The following P2RX3 variants were observed in gnomAD, a reference collection of about 807,000 sequenced individuals.
P2RX3 encodes the protein purinergic receptor P2X 3, also known as P2X purinoceptor 3.
In P2RX3, 41 loss-of-function variants were observed where a neutral mutation model predicts 51.5. The ratio of observed to expected loss-of-function variants is 0.80; its 90% CI spans 0.62 to 1.03. The LOEUF is 1.03. P2RX3 is among the 50% of genes least tolerant of loss of function. The pLI is 0.00. For synonymous variants in P2RX3, 185 were observed against 191.6 expected (o/e 0.97, Z 0.29); for missense variants, 459 against 522.1 (o/e 0.88, Z 1.18).
chr11:57,355,055 C>T (rs1856606700), intron 8 of P2RX3, among the ~76,000 whole-genome samples: 1 of 152,188 alleles, frequency 6.6e-6, no homozygotes, highest in South Asian at 2.1e-4. Context: ...TCAGGAGAGC[C>T]CCACCAGAAG....
intron 8 of P2RX3, among the ~76,000 whole-genome samples, chr11:57,351,143 T>G (rs1856541413): frequency 6.6e-6 from 1 of 152,172 alleles, no homozygotes; most frequent in African/African-American, 2.4e-5. Context: ...GGTCAGTAGT[T>G]AGAAGAGAGG....
chr11:57,342,931 C>A (rs1195586511), intron 1 of P2RX3, among the ~76,000 whole-genome samples: 2 of 152,198 alleles, frequency 1.3e-5, no homozygotes, highest in Non-Finnish European at 2.9e-5. Flanking sequence ...CTCTCTCCTG[C>A]ACATCCCACC....
intron 1 of P2RX3, among the ~76,000 whole-genome samples, chr11:57,343,044 C>T (rs753145541): frequency 2.0e-5 from 3 of 152,224 alleles, no homozygotes; most frequent in Non-Finnish European, 4.4e-5. Flanking sequence ...ATCGAAGGCT[C>T]AGGCCTGCCC....
intron 1 of P2RX3, among the ~76,000 whole-genome samples, chr11:57,341,359 C>T (rs530394317): frequency 7.9e-5 from 12 of 152,338 alleles, no homozygotes; most frequent in African/African-American, 2.9e-4. Flanking sequence ...ACAACCTAGA[C>T]TCTGCCTAAC....
In P2RX3 at chr11:57,346,621, G is replaced by A. The variant is rs754645543; in HGVS notation, c.197G>A (p.Gly66Asp). ...IESSVVTKVK[G>D]SGLYANRVMD... is the part of the protein sequence containing the mutation. Reference sequence around the variant, plus strand: ...TCCTCGGTGGTAACCAAGGTGAAGGGCTCCGGACTCTACGCCAACAGAGTC... The same window carrying A: ...TCCTCGGTGGTAACCAAGGTGAAGGACTCCGGACTCTACGCCAACAGAGTC... The change falls in exon 2 of 12, where the codon GGC (glycine) becomes GAC (aspartate). Residue 66 changes from glycine (G) to aspartate (D), a missense_variant. Coordinates refer to ENST00000263314, the MANE Select transcript of P2RX3 (RefSeq NM_002559.5). 4 of 1,614,032 alleles carry A rather than the reference G, an allele frequency of 2.5e-6. No homozygotes were observed. The East Asian group carries it at 8.9e-5, about 36-fold the overall frequency.
intron 8 of P2RX3, among the ~76,000 whole-genome samples, chr11:57,354,915 G>T (rs1425555807): frequency 1.3e-5 from 2 of 152,214 alleles, no homozygotes; most frequent in African/African-American, 4.8e-5. Flanking sequence ...CACAGATAGT[G>T]CAGTGCCAGG....
At chr11:57,360,794 T>TC (rs1554967544) in intron 8 of P2RX3, among the ~76,000 whole-genome samples, 3 of 74,094 alleles carry the variant, frequency 4.0e-5, no homozygotes, top group Non-Finnish European at 9.9e-5. Flanking sequence ...AGACTCTGTC[T>TC]CAAAAAAAAA....
chr11:57,337,012 C>G (rs1052038270), upstream of P2RX3, among the ~76,000 whole-genome samples: 19 of 152,204 alleles, frequency 1.2e-4, no homozygotes, highest in Non-Finnish European at 2.9e-5. Context: ...ACATCCCCGG[C>G]CAGGCACGGT....
upstream of P2RX3, among the ~76,000 whole-genome samples, chr11:57,336,632 G>A (rs147022503): frequency 3.3e-5 from 5 of 152,302 alleles, no homozygotes; most frequent in African/African-American, 7.2e-5. Flanking sequence ...GTCTCAGTGC[G>A]TTGGCAACAA....
chr11:57,355,334 CTTT>C (rs1201675322), intron 8 of P2RX3, among the ~76,000 whole-genome samples: 1 of 117,334 alleles, frequency 8.5e-6, no homozygotes. Flanking sequence ...TATTTTATTT[CTTT>C]TTTTTTTTTT....
intron 8 of P2RX3, among the ~76,000 whole-genome samples, chr11:57,367,310 A>T (rs1856812142): frequency 6.6e-6 from 1 of 152,222 alleles, no homozygotes; most frequent in Non-Finnish European, 1.5e-5. Context: ...TTTGAGCCCA[A>T]ATAAGCAGAG....
intron 9 of P2RX3, 36 bp from the exon 10 acceptor site, chr11:57,368,336 C>T: frequency 6.2e-7 from 1 of 1,611,298 alleles, no homozygotes; most frequent in Non-Finnish European, 8.5e-7. Context: ...ATCCCATGGG[C>T]CCTCTGCCCA....
At chr11:57,352,648 C>A (rs1277932445) in intron 8 of P2RX3, among the ~76,000 whole-genome samples, 2 of 152,208 alleles carry the variant, frequency 1.3e-5, no homozygotes, top group African/African-American at 4.8e-5. Flanking sequence ...CAGCATCTCT[C>A]ATCTAAATAA....
chr11:57,366,435 C>G (rs1743082366), intron 8 of P2RX3, among the ~76,000 whole-genome samples: 1 of 152,066 alleles, frequency 6.6e-6, no homozygotes, highest in South Asian at 2.1e-4. Flanking sequence ...TCATGGCACC[C>G]AGAAGCCAAG....
At chr11:57,347,299 G>A in intron 3 of P2RX3, 112 bp downstream of exon 3, 1 of 1,457,808 alleles carries the variant, frequency 6.9e-7, no homozygotes, top group Non-Finnish European at 9.5e-7. Context: ...CCTTGCAACT[G>A]GGACCTGGGA....
At position 57,370,782 on chromosome 11, in the gene P2RX3, T is replaced by C. The variant is rs1208286496; in HGVS notation, c.*785T>C. 1.3e-5 allele frequency among the ~76,000 whole-genome samples: 2 copies of C among 152,192 alleles called. No homozygotes were observed. The highest frequency in any genetic ancestry group is 1.3e-4 in the Admixed American group (2 of 15,286). On this transcript the variant is annotated 3_prime_UTR_variant, in exon 12 of 12. Coordinates refer to ENST00000263314, the MANE Select transcript of P2RX3 (RefSeq NM_002559.5). Reference sequence around the variant, plus strand: ...CAAACCAGGGAAGGGGTCATTCTTGTTCTTCTCTGGGACCCCACACCCACA... The same window carrying C: ...CAAACCAGGGAAGGGGTCATTCTTGCTCTTCTCTGGGACCCCACACCCACA...
At chr11:57,348,055 C>A in intron 4 of P2RX3, 115 bp from the exon 5 acceptor site, 1 of 935,588 alleles carries the variant, frequency 1.1e-6, no homozygotes, top group Non-Finnish European at 1.6e-6. Context: ...TTTTCCCTGC[C>A]TGCTCTTTTC....
chr11:57,356,146 C>G (rs963222437), intron 8 of P2RX3, among the ~76,000 whole-genome samples: 4 of 152,216 alleles, frequency 2.6e-5, no homozygotes, highest in South Asian at 2.1e-4. Flanking sequence ...TCCCCCACCC[C>G]CAAGGTAGGC....
chr11:57,371,758 C>T lies in P2RX3; in HGVS notation c.*1761C>T, dbSNP rs117360081. On this transcript the variant is annotated 3_prime_UTR_variant, in exon 12 of 12. Transcript: ENST00000263314. The stretch of plus-strand genomic sequence containing the variant: ...GACTATGCTTCTCCAGCAGAGACAT[C>T]AGTGAAGGCAGCACCACATTCTCCA... Among the ~76,000 whole-genome samples, 885 of 152,336 alleles carry T rather than the reference C, an allele frequency of 5.8e-3. 7 individuals are homozygous for T. The highest frequency in any genetic ancestry group is 0.011 in the Admixed American group (164 of 15,304).
Sources: allele counts gnomAD v4.1 joint callset (sites outside exome capture counted in the v4.1 genomes callset), GRCh38; gene constraint gnomAD v4.1.1; transcripts MANE v1.5; gene names NCBI Gene and HGNC (gene_info 2026-07-23, HGNC 2026-07-21).